AHCYL2: variants seen among roughly 807,000 people sequenced by gnomAD.
AHCYL2 encodes the protein adenosylhomocysteinase like 2.
AHCYL2 carries 28 observed loss-of-function variants against 81.4 expected under a neutral mutation model. That is an observed-to-expected ratio of 0.34 (90% CI 0.25 to 0.47). The LOEUF is 0.47. Among genes scored for constraint, AHCYL2 ranks in the 20% least tolerant of loss-of-function variants. The probability of loss-of-function intolerance (pLI) is 1.00; values close to 1 mark genes in which losing one functional copy is unlikely to be tolerated. For missense variants in AHCYL2, 551 were observed against 785.1 expected (o/e 0.70, Z 3.56); for synonymous variants, 272 against 290.2 (o/e 0.94, Z 0.64).
At chr7:129,328,624 A>G (rs914613612) in intron 1 of AHCYL2, among the ~76,000 whole-genome samples, 3 of 152,192 alleles carry the variant, frequency 2.0e-5, no homozygotes, top group Admixed American at 6.6e-5. Flanking sequence ...AGCTGGGATT[A>G]CAGGCGTGTG....
chr7:129,237,112 A>T (rs897157816), intron 1 of AHCYL2, among the ~76,000 whole-genome samples: 3 of 151,968 alleles, frequency 2.0e-5, no homozygotes, highest in Non-Finnish European at 4.4e-5. Context: ...AGTTTTTATA[A>T]ACTTGGATTT....
intron 1 of AHCYL2, among the ~76,000 whole-genome samples, chr7:129,233,455 G>A (rs1794519451): frequency 6.6e-6 from 1 of 151,996 alleles, no homozygotes; most frequent in Admixed American, 6.6e-5. Context: ...GGGATTATAG[G>A]CATTAGCCAC....
At chr7:129,304,714 T>C (rs1797366426) in intron 1 of AHCYL2, among the ~76,000 whole-genome samples, 1 of 152,202 alleles carries the variant, frequency 6.6e-6, no homozygotes. Context: ...TGCTCTTTTT[T>C]GGTTTCCATT....
intron 1 of AHCYL2, among the ~76,000 whole-genome samples, chr7:129,376,810 T>C (rs1051953627): frequency 6.6e-5 from 10 of 152,202 alleles, no homozygotes; most frequent in African/African-American, 2.4e-4. Context: ...AAAAGTTCCA[T>C]TATTATTCCT....
At chr7:129,276,077 C>T (rs1010089837) in intron 1 of AHCYL2, among the ~76,000 whole-genome samples, 1 of 151,834 alleles carries the variant, frequency 6.6e-6, no homozygotes, top group Non-Finnish European at 1.5e-5. Flanking sequence ...AAAAAGATAA[C>T]CAAAATAATT....
At position 129,428,854 on chromosome 7, in the gene AHCYL2, T is replaced by C. The variant is rs763593358; in HGVS notation, c.*1809T>C. The C allele has an allele frequency of 3.9e-5, 6 of 152,180 alleles. No individual in the cohort carries two copies. Among genetic ancestry groups the C allele is most frequent in the African/African-American group, 9.7e-5 (4 of 41,440 alleles). The allele number at this position is 152,180 out of a possible 1,614,324, so 9.4% of individuals were successfully genotyped here. A position where few individuals can be genotyped will look rare whatever the true frequency, so the allele number is the denominator to read the frequency against. Reference sequence around the variant, plus strand: ...GTCTCAGCAAGTACTGGTTATATTCTTTTTTTGTAAGGAAGATCATAAATG... The same window carrying C: ...GTCTCAGCAAGTACTGGTTATATTCCTTTTTTGTAAGGAAGATCATAAATG... On this transcript the variant is annotated 3_prime_UTR_variant, in exon 17 of 17. Transcript: ENST00000325006.
rs1302883745 is a variant in AHCYL2, at chr7:129,428,605, A to G, written c.*1560A>G. Reference sequence around the variant, plus strand: ...AGTCTCAAGACCAAGGTGACTCAAGATAACACCAGACCACGCATGATCACC... The same window carrying G: ...AGTCTCAAGACCAAGGTGACTCAAGGTAACACCAGACCACGCATGATCACC... On this transcript the variant is annotated 3_prime_UTR_variant, in exon 17 of 17. Transcript: ENST00000325006. The G allele has an allele frequency of 3.3e-5, 5 of 152,352 alleles. No homozygotes were observed. The highest frequency in any genetic ancestry group is 4.1e-4 in the South Asian group (2 of 4,830). 9.4% of individuals were successfully genotyped at this position (152,352 alleles called of 1,614,324 possible).
chr7:129,357,024 A>G (rs1364243362), intron 1 of AHCYL2, among the ~76,000 whole-genome samples: 1 of 152,224 alleles, frequency 6.6e-6, no homozygotes, highest in East Asian at 1.9e-4. Context: ...TGAATAGATA[A>G]CAAACATAGG....
intron 1 of AHCYL2, among the ~76,000 whole-genome samples, chr7:129,379,233 T>G (rs1370955838): frequency 6.7e-6 from 1 of 149,650 alleles, no homozygotes; most frequent in Non-Finnish European, 1.5e-5. Context: ...TGAGCCGAGA[T>G]CGTGCCACCG....
At chr7:129,291,039 A>T (rs1796832384) in intron 1 of AHCYL2, among the ~76,000 whole-genome samples, 1 of 152,028 alleles carries the variant, frequency 6.6e-6, no homozygotes, top group East Asian at 1.9e-4. Context: ...TATATTTATT[A>T]AAATATAAAA....
At chr7:129,261,564 G>T (rs1313215164) in intron 1 of AHCYL2, among the ~76,000 whole-genome samples, 1 of 152,126 alleles carries the variant, frequency 6.6e-6, no homozygotes, top group African/African-American at 2.4e-5. Flanking sequence ...AATGAGGTTA[G>T]CATGATTGTT....
At chr7:129,380,939 C>T (rs1794927796) in intron 2 of AHCYL2, among the ~76,000 whole-genome samples, 1 of 152,174 alleles carries the variant, frequency 6.6e-6, no homozygotes, top group Non-Finnish European at 1.5e-5. Context: ...TGGAATCTCA[C>T]CATGTTGCCC....
At chr7:129,309,210 C>G (rs966095770) in intron 1 of AHCYL2, among the ~76,000 whole-genome samples, 4 of 151,718 alleles carry the variant, frequency 2.6e-5, no homozygotes, top group South Asian at 2.1e-4. Context: ...CTAGCCTGGG[C>G]GACAGAGCAA....
intron 1 of AHCYL2, among the ~76,000 whole-genome samples, chr7:129,236,533 G>T (rs1241211429): frequency 6.6e-6 from 1 of 151,488 alleles, no homozygotes; most frequent in Non-Finnish European, 1.5e-5. Context: ...TAGAGATGGG[G>T]TTTTACCATG....
At chr7:129,257,550 T>G (rs1795470620) in intron 1 of AHCYL2, among the ~76,000 whole-genome samples, 4 of 152,202 alleles carry the variant, frequency 2.6e-5, no homozygotes, top group African/African-American at 9.6e-5. Flanking sequence ...GGTGGAAGTA[T>G]GGACTGGTCT....
chr7:129,388,237 T>G (rs2150903288), intron 2 of AHCYL2: 1 of 152,280 alleles, frequency 6.6e-6, no homozygotes, highest in South Asian at 2.1e-4. Flanking sequence ...TCAAATAATC[T>G]AGCAAATGGT....
chr7:129,283,680 T>C (rs1273260324), intron 1 of AHCYL2, among the ~76,000 whole-genome samples: 1 of 152,156 alleles, frequency 6.6e-6, no homozygotes, highest in Non-Finnish European at 1.5e-5. Context: ...TTTTTATCTA[T>C]AAAAAAGAGG....
intron 1 of AHCYL2, among the ~76,000 whole-genome samples, chr7:129,325,472 T>C (rs867461536): frequency 2.6e-5 from 4 of 152,338 alleles, no homozygotes; most frequent in Middle Eastern, 6.8e-3. Flanking sequence ...TCACTAGATT[T>C]GAGCAATTTG....
At chr7:129,415,143 C>G (rs1796782908) in intron 12 of AHCYL2, among the ~76,000 whole-genome samples, 1 of 152,128 alleles carries the variant, frequency 6.6e-6, no homozygotes, top group South Asian at 2.1e-4. Flanking sequence ...GCTTAAGTTT[C>G]ATTTATGTGC....
Sources: allele counts gnomAD v4.1 joint callset (sites outside exome capture counted in the v4.1 genomes callset), GRCh38; gene constraint gnomAD v4.1.1; transcripts MANE v1.5; gene names NCBI Gene and HGNC (gene_info 2026-07-23, HGNC 2026-07-21).